The following ST6GAL2 variants were observed in gnomAD, a reference collection of about 807,000 sequenced individuals.
The protein encoded by ST6GAL2 is beta-galactoside alpha-2,6-sialyltransferase 2.
ST6GAL2 carries 24 observed loss-of-function variants against 37.5 expected under a neutral mutation model. The ratio of observed to expected loss-of-function variants is 0.64; its 90% confidence interval spans 0.46 to 0.90. The LOEUF (loss-of-function observed/expected upper bound fraction) is 0.90. Ranked by LOEUF, ST6GAL2 falls within the 40% of genes least tolerant of loss-of-function variation. ST6GAL2 has a pLI of 0.00. For missense variants in ST6GAL2, 715 were observed against 712.7 expected, an observed-to-expected ratio of 1.00 and a Z score of -0.04; for synonymous variants, 306 against 295.1, an observed-to-expected ratio of 1.04 and a Z score of -0.38.
chr2:106,875,622 T>G (rs541573014), intron 1 of ST6GAL2, among the ~76,000 whole-genome samples: 10 of 152,214 alleles, frequency 6.6e-5, no homozygotes, highest in Non-Finnish European at 1.5e-4. Context: ...ATATTTACAT[T>G]CATTGTTTCC....
rs79859904 is a variant in ST6GAL2, at chr2:106,869,567, G to A, written c.-58+16526C>T. Among the ~76,000 whole-genome samples the A allele has an allele frequency of 6.6e-3, 1,003 of 152,250 alleles. 10 individuals carry two copies. Among genetic ancestry groups the A allele is most frequent in the African/African-American group, 0.023 (944 of 41,552 alleles). ...GGCTGACTGTTTACAAAGTGCAGAC[G>A]CCCCCTCCTGCTGCTGCTTTTGCTC... On this transcript the variant is annotated intron_variant, in intron 1 of 5. Transcript: ENST00000409382.
rs1462114756 is a variant in ST6GAL2 at position 106,843,014 on chromosome 2, G to A, written c.943+21C>T. ...ACACTGGCTCAAGACAGGGCGACCT[G>A]GTCCCCCCGCTGAGACCTACCTATT... On this transcript the variant is annotated intron_variant, in intron 2 of 5. Transcript: ENST00000409382. The A allele has an allele frequency of 3.6e-6, 5 of 1,370,302 alleles. No individual in the cohort carries two copies. The South Asian group carries it at 8.3e-5, about 23-fold the overall frequency. The allele number at this position is 1,370,302 out of a possible 1,614,324, so 84.9% of individuals were successfully genotyped here. A position where few individuals can be genotyped will look rare whatever the true frequency, so the allele number is the denominator to read the frequency against.
chr2:106,820,036 A>T (rs1675939823), intron 5 of ST6GAL2, among the ~76,000 whole-genome samples: 1 of 152,144 alleles, frequency 6.6e-6, no homozygotes, highest in South Asian at 2.1e-4. Context: ...CACTAAAAGG[A>T]AGACAAGAAG....
chr2:106,823,222 G>T (rs1470113510), intron 5 of ST6GAL2: 2 of 151,872 alleles, frequency 1.3e-5, no homozygotes, highest in African/African-American at 4.8e-5. Flanking sequence ...ATTTTACTAG[G>T]AAATCTGATT....
At chr2:106,826,135 T>C (rs1032427785) in intron 5 of ST6GAL2, among the ~76,000 whole-genome samples, 4 of 152,214 alleles carry the variant, frequency 2.6e-5, no homozygotes, top group Non-Finnish European at 5.9e-5. Flanking sequence ...GTGGATGTGT[T>C]AGCCTGTTAA....
intron 5 of ST6GAL2, chr2:106,812,997 T>C (rs1337122107): frequency 8.4e-7 from 1 of 1,193,430 alleles, no homozygotes; most frequent in Non-Finnish European, 1.0e-6. Context: ...GACTTTTTGA[T>C]AGGCAGATCA....
intron 1 of ST6GAL2, among the ~76,000 whole-genome samples, chr2:106,871,746 G>C (rs1387644063): frequency 6.6e-6 from 1 of 152,126 alleles, no homozygotes; most frequent in Non-Finnish European, 1.5e-5. Context: ...AAGGTCTTCA[G>C]GGGCAGTAAC....
chr2:106,843,613 C>T lies in ST6GAL2; in HGVS notation c.365G>A (p.Ser122Asn), dbSNP rs116003024. The T allele has an allele frequency of 2.8e-5, 45 of 1,613,886 alleles. No homozygotes were observed. Among genetic ancestry groups the T allele is most frequent in the Admixed American group, 1.7e-5 (1 of 60,008 alleles). Reference sequence around the variant, plus strand: ...GTCGTCATCCTCCGGGTAGAAAGCACTTTGAGATTTTCTCCCCACCTGGGA... The same window carrying T: ...GTCGTCATCCTCCGGGTAGAAAGCATTTTGAGATTTTCTCCCCACCTGGGA... Reference protein sequence around the residue: ...FSSQVGRKSQSAFYPEDDDYF... With the variant: ...FSSQVGRKSQNAFYPEDDDYF... The change falls in exon 2 of 6, where the codon AGT (serine) becomes AAT (asparagine). Residue 122 changes from serine to asparagine, a missense_variant. Coordinates refer to ENST00000409382, the MANE Select transcript of ST6GAL2 (RefSeq NM_001142351.2).
At chr2:106,813,922 A>C (rs1221408733) in intron 5 of ST6GAL2, among the ~76,000 whole-genome samples, 1 of 152,232 alleles carries the variant, frequency 6.6e-6, no homozygotes, top group Non-Finnish European at 1.5e-5. Context: ...ACAGAACTCT[A>C]GGAGCTGTTT....
At chr2:106,811,981 G>A (rs1242809602) in intron 5 of ST6GAL2, among the ~76,000 whole-genome samples, 1 of 152,100 alleles carries the variant, frequency 6.6e-6, no homozygotes, top group Admixed American at 6.6e-5. Context: ...AATTCCCCCA[G>A]CAATGAGTTG....
At chr2:106,886,644 T>A (rs987781641), upstream of ST6GAL2, 4 of 151,708 alleles carry the variant, frequency 2.6e-5, no homozygotes, top group African/African-American at 9.7e-5. Flanking sequence ...GCACCGAGGC[T>A]GCGCCGCGCC....
intron 3 of ST6GAL2, among the ~76,000 whole-genome samples, chr2:106,833,443 T>C (rs1676505002): frequency 6.6e-6 from 1 of 152,222 alleles, no homozygotes; most frequent in African/African-American, 2.4e-5. Flanking sequence ...TAATCTTTTG[T>C]TCTGTAAGCA....
rs375830108 is a variant in ST6GAL2, at chr2:106,842,430, G to A, written c.943+605C>T. ...GCAGTGCCCCAAAGGTTGGATTTGC[G>A]CCAACAGTTGGGAGGCCGGAACTTA... On this transcript the variant is annotated intron_variant, in intron 2 of 5. Coordinates refer to ENST00000409382, the MANE Select transcript of ST6GAL2 (RefSeq NM_001142351.2). Among the ~76,000 whole-genome samples the A allele has an allele frequency of 8.5e-5, 13 of 152,302 alleles. No individual in the cohort carries two copies. In the East Asian group the frequency reaches 2.5e-3, roughly 29 times the overall value.
At chr2:106,816,905 G>C (rs532644951) in intron 5 of ST6GAL2, among the ~76,000 whole-genome samples, 79 of 152,290 alleles carry the variant, frequency 5.2e-4, no homozygotes, top group African/African-American at 1.8e-3. Flanking sequence ...CTGTGCACTT[G>C]TGGGGAGGGA....
chr2:106,839,055 C>CA (rs773592474), intron 2 of ST6GAL2, among the ~76,000 whole-genome samples: 175 of 147,334 alleles, frequency 1.2e-3, no homozygotes, highest in East Asian at 5.2e-3. Context: ...AAAAAACAAA[C>CA]AAACAAAAAA....
At chr2:106,833,934 C>A (rs7608410) in intron 3 of ST6GAL2, 115 bp downstream of exon 3, 2 of 655,462 alleles carry the variant, frequency 3.1e-6, no homozygotes, top group Non-Finnish European at 5.3e-6. Context: ...ACAAGTACCA[C>A]GGTCATAATT....
intron 1 of ST6GAL2, among the ~76,000 whole-genome samples, chr2:106,861,612 ATTCT>A (rs1220065111): frequency 2.6e-5 from 4 of 151,620 alleles, no homozygotes; most frequent in Non-Finnish European, 5.9e-5. Flanking sequence ...ATGTTCATTT[ATTCT>A]TTCTTTTTTT....
intron 5 of ST6GAL2, 139 bp downstream of exon 5, chr2:106,829,927 C>A: frequency 2.4e-6 from 2 of 825,248 alleles, no homozygotes; most frequent in South Asian, 2.0e-5. Context: ...AAAAAAAAAT[C>A]CAAAATCAGA....
intron 1 of ST6GAL2, among the ~76,000 whole-genome samples, chr2:106,864,917 A>G (rs2104593747): frequency 6.6e-6 from 1 of 152,310 alleles, no homozygotes; most frequent in East Asian, 1.9e-4. Context: ...AATGTTTTAC[A>G]ATAATCTCTC....
Sources: gnomAD v4.1 joint callset for allele counts (sites outside exome capture counted in the v4.1 genomes callset) on GRCh38, gnomAD v4.1.1 for gene constraint, MANE v1.5 for transcripts, NCBI Gene and HGNC (gene_info 2026-07-23, HGNC 2026-07-21) for gene names.